The following GPSM2 variants were observed in gnomAD, a reference collection of about 807,000 sequenced individuals.
The protein encoded by GPSM2 is G protein signaling modulator 2.
Under a neutral mutation model 78.4 loss-of-function variants are expected in GPSM2, and 58 were observed. The ratio of observed to expected loss-of-function variants is 0.74; its 90% CI spans 0.60 to 0.92. The LOEUF is 0.92. Among genes scored for constraint, GPSM2 ranks in the 40% least tolerant of loss-of-function variants. The pLI, the probability that GPSM2 is intolerant of heterozygous loss-of-function variation, is 0.00. For synonymous variants in GPSM2, 224 were observed against 280.2 expected (o/e 0.80, Z 2.00); for missense variants, 700 against 815.5 (o/e 0.86, Z 1.73).
intron 13 of GPSM2, among the ~76,000 whole-genome samples, chr1:108,923,036 TATTA>T (rs1650847437): frequency 6.6e-6 from 1 of 152,158 alleles, no homozygotes; most frequent in African/African-American, 2.4e-5. Context: ...AATCTGATTT[TATTA>T]ATTTATTTGA....
At chr1:108,895,463 G>A (rs546251092) in intron 2 of GPSM2, among the ~76,000 whole-genome samples, 9 of 152,152 alleles carry the variant, frequency 5.9e-5, no homozygotes, top group Non-Finnish European at 1.2e-4. Context: ...GACCAGTACT[G>A]TTGTAGCCTG....
At chr1:108,902,352 G>A (rs1446276095) in intron 8 of GPSM2, among the ~76,000 whole-genome samples, 1 of 149,592 alleles carries the variant, frequency 6.7e-6, no homozygotes, top group Non-Finnish European at 1.5e-5. Flanking sequence ...CTGCGCTCCA[G>A]CCTGGCGACA....
intron 10 of GPSM2, among the ~76,000 whole-genome samples, chr1:108,913,610 A>C (rs2101497847): frequency 6.6e-6 from 1 of 152,368 alleles, no homozygotes; most frequent in African/African-American, 2.4e-5. Context: ...ATTGCTAAGA[A>C]ATACATACAT....
intron 12 of GPSM2, among the ~76,000 whole-genome samples, chr1:108,921,813 C>G (rs1156653460): frequency 1.3e-5 from 2 of 152,038 alleles, no homozygotes; most frequent in African/African-American, 4.8e-5. Flanking sequence ...TCCTCAGGCC[C>G]GTAACATTTT....
At chr1:108,904,688 T>C (rs1470928007) in intron 10 of GPSM2, among the ~76,000 whole-genome samples, 1 of 151,942 alleles carries the variant, frequency 6.6e-6, no homozygotes, top group Non-Finnish European at 1.5e-5. Context: ...CCCATTTCAT[T>C]TCCAAGGTGA....
intron 14 of GPSM2, among the ~76,000 whole-genome samples, chr1:108,925,548 T>G (rs1276491744): frequency 6.6e-6 from 1 of 151,682 alleles, no homozygotes; most frequent in Non-Finnish European, 1.5e-5. Flanking sequence ...GGGTGGGGTG[T>G]GGTGTGGTGG....
chr1:108,911,253 T>A (rs999947791), intron 10 of GPSM2, among the ~76,000 whole-genome samples: 1 of 151,978 alleles, frequency 6.6e-6, no homozygotes, highest in Non-Finnish European at 1.5e-5. Context: ...GTCGGCTGAG[T>A]GTGGTAGGTC....
At chr1:108,904,331 A>G in intron 10 of GPSM2, 77 bp downstream of exon 10, 1 of 916,622 alleles carries the variant, frequency 1.1e-6, no homozygotes, top group Non-Finnish European at 1.8e-6. Flanking sequence ...CAAATTTGGC[A>G]TATTCAGAGA....
Position 108,896,969 on chromosome 1 carries a change from A to C in GPSM2, c.162A>C (p.Gly54=). The C allele has an allele frequency of 1.9e-6, 3 of 1,614,106 alleles. No individual in the cohort carries two copies. The highest frequency in any genetic ancestry group is 2.5e-6 in the Non-Finnish European group (3 of 1,179,930). ...TCTTTGAAGCTGCAGTTCAAGTTGG[A>C]ACTGAAGACCTAAAAACACTTAGCG... ...VSFFEAAVQV[G]TEDLKTLSAI... Residue 54 remains glycine (G), a synonymous_variant, in exon 3 of 15, where the codon GGA becomes GGC. Transcript: ENST00000264126.
At chr1:108,910,669 C>T (rs1649661902) in intron 10 of GPSM2, among the ~76,000 whole-genome samples, 1 of 152,006 alleles carries the variant, frequency 6.6e-6, no homozygotes. Context: ...TCGAGACCAG[C>T]CTGACCAACG....
intron 1 of GPSM2, among the ~76,000 whole-genome samples, chr1:108,880,156 TC>T (rs1665824251): frequency 6.6e-6 from 1 of 152,254 alleles, no homozygotes; most frequent in African/African-American, 2.4e-5. Flanking sequence ...ACATTTATTT[TC>T]CCACAGAATG....
In GPSM2 at chr1:108,900,198, C is replaced by T. The variant is rs185928222; in HGVS notation, c.797+1204C>T. Among the ~76,000 whole-genome samples the T allele has an allele frequency of 4.2e-3, 614 of 147,160 alleles. 1 individual carries two copies. Among genetic ancestry groups the T allele is most frequent in the Non-Finnish European group, 7.3e-3 (488 of 66,966 alleles). ...TCAGAACTTTATATATATTCCAAGTCGTTGGTTAGAAATATTTTTAGAACT... is the reference window on the plus strand; with the variant it reads ...TCAGAACTTTATATATATTCCAAGTTGTTGGTTAGAAATATTTTTAGAACT... On this transcript the variant is annotated intron_variant, in intron 7 of 14. Transcript: ENST00000264126.
At chr1:108,888,715 A>G (rs1647753699) in intron 2 of GPSM2, among the ~76,000 whole-genome samples, 1 of 152,240 alleles carries the variant, frequency 6.6e-6, no homozygotes. Flanking sequence ...AATTAATAGA[A>G]TTCAAAATCT....
chr1:108,879,948 A>C (rs370673758), intron 1 of GPSM2, among the ~76,000 whole-genome samples: 6 of 152,116 alleles, frequency 3.9e-5, no homozygotes, highest in African/African-American at 1.4e-4. Flanking sequence ...CCTGGAACAC[A>C]TTCTGTGCAT....
chr1:108,888,683 A>G (rs1451526485), intron 2 of GPSM2, among the ~76,000 whole-genome samples: 3 of 152,178 alleles, frequency 2.0e-5, no homozygotes, highest in Non-Finnish European at 4.4e-5. Context: ...TAATTATTAG[A>G]TGAACATCAG....
intron 13 of GPSM2, among the ~76,000 whole-genome samples, chr1:108,923,440 G>A (rs191097199): frequency 7.2e-5 from 11 of 152,230 alleles, no homozygotes; most frequent in South Asian, 2.1e-4. Flanking sequence ...AAAGAAAAAC[G>A]AAGACAGACT....
At chr1:108,899,248 T>A (rs1249596366) in intron 7 of GPSM2, among the ~76,000 whole-genome samples, 1 of 152,242 alleles carries the variant, frequency 6.6e-6, no homozygotes, top group African/African-American at 2.4e-5. Context: ...AGCAGCAGTA[T>A]GACCCCTTTA....
At chr1:108,887,963 C>G (rs7547386) in intron 2 of GPSM2, among the ~76,000 whole-genome samples, 55,058 of 152,150 alleles carry the variant, frequency 0.36, 11,644 homozygotes, top group African/African-American at 0.59. Flanking sequence ...TAATATTCTG[C>G]AAGTTCTGGT....
intron 8 of GPSM2, among the ~76,000 whole-genome samples, 188 bp from the exon 9 acceptor site, chr1:108,902,938 G>A (rs747052555): frequency 7.2e-5 from 11 of 152,124 alleles, no homozygotes; most frequent in Non-Finnish European, 1.3e-4. Context: ...TTAGTATTAT[G>A]TGGGTATTCT....
Sources: allele counts gnomAD v4.1 joint callset (sites outside exome capture counted in the v4.1 genomes callset), GRCh38; gene constraint gnomAD v4.1.1; transcripts MANE v1.5; gene names NCBI Gene and HGNC (gene_info 2026-07-23, HGNC 2026-07-21).